Variants in INPP4B observed in about 807,000 individuals in gnomAD.
The protein encoded by INPP4B is inositol polyphosphate 4-phosphatase type II.
In INPP4B, 55 loss-of-function variants were observed where a neutral mutation model predicts 122.5. The ratio of observed to expected loss-of-function variants is 0.45; its 90% CI spans 0.36 to 0.56. The LOEUF is 0.56. INPP4B is among the 20% of genes least tolerant of loss of function. INPP4B has a pLI of 0.00. For missense variants in INPP4B, 1,000 were observed against 1,097.7 expected (o/e 0.91, Z 1.26); for synonymous variants, 403 against 388.7 (o/e 1.04, Z -0.43).
At chr4:142,149,100 G>A (rs972037598) in intron 17 of INPP4B, among the ~76,000 whole-genome samples, 13 of 152,172 alleles carry the variant, frequency 8.5e-5, no homozygotes, top group Admixed American at 2.0e-4. Context: ...TTACTAAGAA[G>A]TTATTACTAC....
chr4:142,738,690 T>G (rs573658508), intron 1 of INPP4B, among the ~76,000 whole-genome samples: 1 of 152,188 alleles, frequency 6.6e-6, no homozygotes, highest in East Asian at 1.9e-4. Context: ...GTTTGAAAGG[T>G]TCTGTATTCC....
At chr4:142,675,386 C>G (rs567375797) in intron 2 of INPP4B, among the ~76,000 whole-genome samples, 3 of 152,188 alleles carry the variant, frequency 2.0e-5, no homozygotes, top group Non-Finnish European at 4.4e-5. Context: ...AAGTCCAGGA[C>G]CAGACAGATT....
intron 2 of INPP4B, among the ~76,000 whole-genome samples, chr4:142,703,348 T>C (rs1762054481): frequency 6.6e-6 from 1 of 152,194 alleles, no homozygotes; most frequent in Non-Finnish European, 1.5e-5. Context: ...ACAATAATGA[T>C]AATACATTCT....
intron 2 of INPP4B, among the ~76,000 whole-genome samples, chr4:142,693,912 A>C (rs62331889): frequency 0.035 from 5,193 of 146,436 alleles, 110 homozygotes; most frequent in Middle Eastern, 0.057. Context: ...GCAAATTAAA[A>C]ATATCACAAA....
At chr4:142,298,092 A>C (rs1759591459) in intron 9 of INPP4B, among the ~76,000 whole-genome samples, 1 of 151,880 alleles carries the variant, frequency 6.6e-6, no homozygotes, top group Admixed American at 6.6e-5. Context: ...ATGCCTTCCT[A>C]AGGCAAAAAA....
At chr4:142,484,125 C>G (rs1820923146) in intron 2 of INPP4B, among the ~76,000 whole-genome samples, 2 of 151,962 alleles carry the variant, frequency 1.3e-5, no homozygotes, top group Admixed American at 1.3e-4. Flanking sequence ...CATCTGCAGC[C>G]AGGTTAAAAT....
At chr4:142,302,627 A>ATATATAATAT (rs1761905840) in intron 9 of INPP4B, among the ~76,000 whole-genome samples, 1 of 152,246 alleles carries the variant, frequency 6.6e-6, no homozygotes, top group East Asian at 1.9e-4. Flanking sequence ...TCAGAGCACA[A>ATATATAATAT]AGCACATGGT....
chr4:142,782,696 C>A (rs940754306), intron 1 of INPP4B, among the ~76,000 whole-genome samples: 1 of 152,112 alleles, frequency 6.6e-6, no homozygotes, highest in Middle Eastern at 3.2e-3. Context: ...GAGATGATAT[C>A]TCATTGTGGT....
chr4:142,763,689 C>A (rs1771671850), intron 1 of INPP4B, among the ~76,000 whole-genome samples: 1 of 152,050 alleles, frequency 6.6e-6, no homozygotes, highest in Non-Finnish European at 1.5e-5. Flanking sequence ...CTAGTAACCA[C>A]CAGTGTGCTA....
intron 7 of INPP4B, among the ~76,000 whole-genome samples, chr4:142,326,858 G>A (rs143261785): frequency 3.6e-4 from 55 of 152,056 alleles, no homozygotes; most frequent in African/African-American, 1.3e-3. Context: ...CATTATTATT[G>A]CTTTGCCCAT....
chr4:142,060,446 T>A (rs1355432608), intron 25 of INPP4B, among the ~76,000 whole-genome samples: 1 of 152,194 alleles, frequency 6.6e-6, no homozygotes, highest in African/African-American at 2.4e-5. Flanking sequence ...CAGTTTTAAA[T>A]TTATTACACA....
intron 12 of INPP4B, among the ~76,000 whole-genome samples, chr4:142,229,721 C>T (rs957336853): frequency 2.6e-5 from 4 of 152,120 alleles, no homozygotes; most frequent in East Asian, 1.9e-4. Context: ...CCATGATTAT[C>T]GGTCATCCCA....
At chr4:142,833,635 T>C (rs1032152258) in intron 1 of INPP4B, among the ~76,000 whole-genome samples, 1 of 151,998 alleles carries the variant, frequency 6.6e-6, no homozygotes, top group Non-Finnish European at 1.5e-5. Context: ...TACAATGATT[T>C]TTTTTTTTAA....
At chr4:142,501,956 G>A (rs763079108) in intron 2 of INPP4B, among the ~76,000 whole-genome samples, 1 of 152,090 alleles carries the variant, frequency 6.6e-6, no homozygotes, top group Non-Finnish European at 1.5e-5. Flanking sequence ...GGAAGTCAAG[G>A]AAAATCTCCA....
chr4:142,769,194 G>A (rs573358000), intron 1 of INPP4B, among the ~76,000 whole-genome samples: 26 of 152,266 alleles, frequency 1.7e-4, no homozygotes, highest in South Asian at 4.2e-4. Context: ...AGGGACATGC[G>A]TCTTAAAGAA....
At chr4:142,169,794 A>G (rs907248521) in intron 16 of INPP4B, among the ~76,000 whole-genome samples, 1 of 151,736 alleles carries the variant, frequency 6.6e-6, no homozygotes, top group Non-Finnish European at 1.5e-5. Context: ...ATTAAGGGCC[A>G]TATCTATGTA....
At chr4:142,378,664 A>G (rs548624109) in intron 7 of INPP4B, among the ~76,000 whole-genome samples, 1 of 152,310 alleles carries the variant, frequency 6.6e-6, no homozygotes, top group East Asian at 1.9e-4. Context: ...ACATTGCCCT[A>G]GGACTATTTT....
chr4:142,632,007 T>C (rs1748077169), intron 2 of INPP4B, among the ~76,000 whole-genome samples: 1 of 152,128 alleles, frequency 6.6e-6, no homozygotes, highest in Non-Finnish European at 1.5e-5. Context: ...AGGGTATATG[T>C]GCTCCAGCAA....
chr4:142,454,347 A>G (rs1814934391), intron 3 of INPP4B, among the ~76,000 whole-genome samples: 2 of 152,134 alleles, frequency 1.3e-5, no homozygotes, highest in African/African-American at 4.8e-5. Context: ...CATAACCAAC[A>G]TAAAACTCAT....
Sources: allele counts gnomAD v4.1 joint callset (sites outside exome capture counted in the v4.1 genomes callset), GRCh38; gene constraint gnomAD v4.1.1; transcripts MANE v1.5; gene names NCBI Gene and HGNC (gene_info 2026-07-23, HGNC 2026-07-21).